Variants in PFKP observed in about 807,000 individuals in gnomAD.
PFKP encodes ATP-dependent 6-phosphofructokinase, platelet type.
PFKP carries 101 observed loss-of-function variants against 94.3 expected under a neutral mutation model. That is an observed-to-expected ratio of 1.07 (90% confidence interval 0.91 to 1.26). The LOEUF (loss-of-function observed/expected upper bound fraction) is 1.26, where lower values mean the gene tolerates loss of function less well. Ranked by LOEUF, PFKP falls within the 50% of genes most tolerant of loss-of-function variation. The pLI is 0.00. For synonymous variants in PFKP, 573 were observed against 432.6 expected, an observed-to-expected ratio of 1.32 and a Z score of -4.03; for missense variants, 1,145 against 1,103.3, an observed-to-expected ratio of 1.04 and a Z score of -0.53.
chr10:3,115,088 G>A (rs1836651543), intron 13 of PFKP, among the ~76,000 whole-genome samples: 1 of 152,196 alleles, frequency 6.6e-6, no homozygotes, highest in South Asian at 2.1e-4. Context: ...ATAAACAGAG[G>A]AGGCAAGGAT....
chr10:3,082,592 C>T (rs554601271), intron 2 of PFKP, 131 bp downstream of exon 2: 7 of 530,434 alleles, frequency 1.3e-5, no homozygotes, highest in Admixed American at 3.6e-5. Context: ...GAGCAAGATC[C>T]TGCCAGCCAG....
intron 7 of PFKP, among the ~76,000 whole-genome samples, chr10:3,105,784 C>T (rs977986836): frequency 6.6e-5 from 10 of 152,186 alleles, no homozygotes; most frequent in Non-Finnish European, 1.3e-4. Context: ...AGACTTCAGG[C>T]ACTGTTGGCT....
chr10:3,104,808 G>C (rs1370086847), intron 5 of PFKP: 2 of 465,318 alleles, frequency 4.3e-6, no homozygotes, highest in Non-Finnish European at 7.7e-6. Context: ...AAAGAGCCCA[G>C]CACGGGGCCG....
rs560826711 is a variant in PFKP, at chr10:3,069,271, C to A, written c.112+1564C>A. ...GACCCCAGCATCAACGTTCTTCCTG[C>A]AGGGCTGGGTTCTCAGAGAAAGAAA... On this transcript the variant is annotated intron_variant, in intron 1 of 21. Transcript: ENST00000381125. The A allele has an allele frequency of 1.3e-6, 2 of 1,482,734 alleles. No individual in the cohort carries two copies. The highest frequency in any genetic ancestry group is 4.2e-5 in the Admixed American group (2 of 47,898). 91.8% of individuals were successfully genotyped at this position (1,482,734 alleles called of 1,614,324 possible).
In PFKP at chr10:3,121,686, T is replaced by C. The variant is rs575153998; in HGVS notation, c.1683+1642T>C. ...CAAAAACACCCCACAAATGATCATT[T>C]CCACCTGCTTTTACTTCCCTTGGAG... is the stretch of plus-strand genomic sequence containing the variant. On this transcript the variant is annotated intron_variant, in intron 16 of 21. Coordinates refer to ENST00000381125, the MANE Select transcript of PFKP (RefSeq NM_002627.5). 5.3e-5 allele frequency among the ~76,000 whole-genome samples: 8 copies of C among 151,984 alleles called. No individual in the cohort carries two copies. The East Asian group carries it at 1.5e-3, about 29-fold the overall frequency.
chr10:3,082,437 G>A lies in PFKP; in HGVS notation c.162G>A (p.Gly54=), dbSNP rs886983817. The change falls in exon 2 of 22, where the codon GGG becomes GGA. Residue 54 remains glycine, a synonymous_variant. Coordinates refer to ENST00000381125, the MANE Select transcript of PFKP (RefSeq NM_002627.5). ...TGGTGCGCATGGGTATCTACGTGGGGGCCAAGGTGTACTTCATCTACGAGG... is the reference window on the plus strand; with the variant it reads ...TGGTGCGCATGGGTATCTACGTGGGAGCCAAGGTGTACTTCATCTACGAGG... ...RAVVRMGIYV[G]AKVYFIYEGY... 5 of 1,607,026 alleles carry A rather than the reference G, an allele frequency of 3.1e-6. No homozygotes were observed. The highest frequency in any genetic ancestry group is 3.4e-6 in the Non-Finnish European group (4 of 1,175,492).
At chr10:3,130,005 A>G (rs573434112) in intron 17 of PFKP, 22 bp downstream of exon 17, 4 of 1,551,288 alleles carry the variant, frequency 2.6e-6, no homozygotes, top group Non-Finnish European at 3.5e-6. Flanking sequence ...GGCTGGCCTC[A>G]GGGCCCGTCC....
intron 4 of PFKP, among the ~76,000 whole-genome samples, chr10:3,101,934 C>T (rs1209768505): frequency 6.6e-6 from 1 of 152,152 alleles, no homozygotes; most frequent in Non-Finnish European, 1.5e-5. Context: ...ACACTGTGTC[C>T]CTCCAGCTCG....
intron 8 of PFKP, 125 bp from the exon 9 acceptor site, chr10:3,108,576 A>G (rs1342778482): frequency 1.5e-6 from 1 of 680,718 alleles, no homozygotes; most frequent in African/African-American, 1.8e-5. Flanking sequence ...ATTTAGAAAT[A>G]ACTTTTCCCA....
intron 3 of PFKP, among the ~76,000 whole-genome samples, chr10:3,100,056 G>GTGTGTGTGTGTGT (rs376262163): frequency 7.3e-6 from 1 of 137,744 alleles, no homozygotes; most frequent in Non-Finnish European, 1.5e-5. Flanking sequence ...GTAGGTGTGT[G>GTGTGTGTGTGTGT]GTGTGTGTGT....
At chr10:3,108,008 G>C (rs1835806241) in intron 8 of PFKP, 2 of 1,289,540 alleles carry the variant, frequency 1.6e-6, no homozygotes, top group Non-Finnish European at 2.0e-6. Flanking sequence ...GTTATGGTCA[G>C]TTAAGGAGCA....
rs928394109 is a variant in PFKP at position 3,108,882 on chromosome 10, G to A, written c.963+89G>A. 1.3e-5 allele frequency: 12 copies of A among 950,322 alleles called. No individual in the cohort carries two copies. In the Admixed American group the frequency reaches 1.9e-4, roughly 15 times the overall value. The allele number at this position is 950,322 out of a possible 1,614,324, so 58.9% of individuals were successfully genotyped here. A position where few individuals can be genotyped will look rare whatever the true frequency, so the allele number is the denominator to read the frequency against. ...CAGGCACCAGCCGGCCACAGAGGCT[G>A]GCAAGGTGCTCCCCGAGAGATGCCC... On this transcript the variant is annotated intron_variant, in intron 9 of 21. Transcript: ENST00000381125.
intron 5 of PFKP, 23 bp downstream of exon 5, chr10:3,103,967 C>T (rs367719249): frequency 1.0e-4 from 167 of 1,608,908 alleles, no homozygotes; most frequent in African/African-American, 3.5e-4. Context: ...GAGGAACCGG[C>T]GGGAGGCCAG....
At chr10:3,103,745 C>T (rs573098616) in intron 4 of PFKP, 34 bp from the exon 5 acceptor site, 18 of 1,610,718 alleles carry the variant, frequency 1.1e-5, no homozygotes, top group East Asian at 4.5e-5. Flanking sequence ...GCCATGGTTA[C>T]GGCGATGAGA....
chr10:3,077,209 A>G (rs1832661940), intron 1 of PFKP, among the ~76,000 whole-genome samples: 1 of 150,242 alleles, frequency 6.7e-6, no homozygotes, highest in African/African-American at 2.5e-5. Context: ...GAGGTAAAAG[A>G]TAGACCCAGA....
At chr10:3,077,248 ACTTTTTTTTTTT>A (rs1192899061) in intron 1 of PFKP, among the ~76,000 whole-genome samples, 1,709 of 90,658 alleles carry the variant, frequency 0.019, 24 homozygotes, top group Middle Eastern at 0.086. Flanking sequence ...TCTATTCTTT[ACTTTTTTTTTTT>A]CTTTTTTTTT....
chr10:3,108,473 G>A (rs1310659545), intron 8 of PFKP, among the ~76,000 whole-genome samples: 1 of 151,968 alleles, frequency 6.6e-6, no homozygotes, highest in Admixed American at 6.6e-5. Flanking sequence ...TTCTAGGTGC[G>A]AGCCAAGATC....
chr10:3,119,021 A>G, intron 15 of PFKP, 152 bp downstream of exon 15: 1 of 605,458 alleles, frequency 1.7e-6, no homozygotes, highest in Non-Finnish European at 2.9e-6. Flanking sequence ...ACAGCAGGAT[A>G]GCAGGTGGTA....
chr10:3,101,769 T>C (rs1835017674), intron 4 of PFKP, among the ~76,000 whole-genome samples: 1 of 152,234 alleles, frequency 6.6e-6, no homozygotes, highest in Non-Finnish European at 1.5e-5. Context: ...CCCTTCGACC[T>C]TTCACACAGA....
Sources: allele counts gnomAD v4.1 joint callset (sites outside exome capture counted in the v4.1 genomes callset), GRCh38; gene constraint gnomAD v4.1.1; transcripts MANE v1.5; gene names NCBI Gene and HGNC (gene_info 2026-07-23, HGNC 2026-07-21).